ATP2A1: variants seen among roughly 807,000 people sequenced by gnomAD.
ATP2A1 encodes sarcoplasmic/endoplasmic reticulum calcium ATPase 1.
In ATP2A1, 83 loss-of-function variants were observed where a neutral mutation model predicts 109.5. The ratio of observed to expected loss-of-function variants is 0.76; its 90% confidence interval spans 0.63 to 0.91. ATP2A1 has a LOEUF of 0.91. Among genes scored for constraint, ATP2A1 ranks in the 40% least tolerant of loss-of-function variants. The probability of loss-of-function intolerance (pLI) is 0.00; values close to 1 mark genes in which losing one functional copy is unlikely to be tolerated. For missense variants in ATP2A1, 1,101 were observed against 1,341.0 expected, an observed-to-expected ratio of 0.82 and a Z score of 2.80; for synonymous variants, 505 against 537.6, an observed-to-expected ratio of 0.94 and a Z score of 0.84.
chr16:28,882,649 G>C, intron 5 of ATP2A1, 60 bp downstream of exon 5: 1 of 1,600,960 alleles, frequency 6.2e-7, no homozygotes, highest in African/African-American at 1.3e-5. Context: ...CCTAGGAGAT[G>C]CCGGGGGCTG....
At position 28,888,766 on chromosome 16, in the gene ATP2A1, ACCCT is replaced by A; in HGVS notation, c.929-9_929-6del. On this transcript the variant is annotated splice_polypyrimidine_tract_variant and intron_variant, in intron 8 of 22. Coordinates refer to ENST00000395503, the MANE Select transcript of ATP2A1 (RefSeq NM_004320.6). Reference sequence around the variant, plus strand: ...ACCCTCCCCTTGCAGGTTCCCTCACACCCTCCCTCCCTCCCCACAGGTCTTCCTG... The same window carrying A: ...ACCCTCCCCTTGCAGGTTCCCTCACACCCTCCCTCCCCACAGGTCTTCCTG... The A allele has an allele frequency of 2.7e-5, 43 of 1,598,030 alleles. No individual in the cohort carries two copies. Among genetic ancestry groups the A allele is most frequent in the East Asian group, 4.5e-5 (2 of 44,606 alleles).
Position 28,887,560 on chromosome 16 carries a change from T to G in ATP2A1, c.766T>G (p.Phe256Val), listed in dbSNP as rs2152203938. ...KTPLQQKLDEFGEQLSKVISL... is the reference protein window; with the variant it reads ...KTPLQQKLDEVGEQLSKVISL... ...CCCCTTGCAGCAGAAGCTGGATGAGTTTGGGGAGCAGCTCTCCAAGGTCAT... is the reference window on the plus strand; with the variant it reads ...CCCCTTGCAGCAGAAGCTGGATGAGGTTGGGGAGCAGCTCTCCAAGGTCAT... The change falls in exon 8 of 23, where the codon TTT becomes GTT. Residue 256 changes from phenylalanine (F) to valine (V), a missense_variant. Physicochemically the swap from Phe to Val is conservative, Grantham distance 50 (BLOSUM62 -1). Transcript: ENST00000395503. The G allele has an allele frequency of 6.2e-7, 1 of 1,613,762 alleles. No individual in the cohort carries two copies. Among genetic ancestry groups the G allele is most frequent in the Non-Finnish European group, 8.5e-7 (1 of 1,179,954 alleles).
In ATP2A1 at chr16:28,903,527, A is replaced by T. The variant is rs1596689738; in HGVS notation, c.2980+87A>T. The T allele has an allele frequency of 1.6e-6, 2 of 1,226,686 alleles. No individual in the cohort carries two copies. Among genetic ancestry groups the T allele is most frequent in the African/African-American group, 3.6e-5 (2 of 55,170 alleles). 76.0% of individuals were successfully genotyped at this position (1,226,686 alleles called of 1,614,324 possible). A position where few individuals can be genotyped will look rare whatever the true frequency, so the allele number is the denominator to read the frequency against. ...GCCCCCGCCCCGCCCCGTACTTTGC[A>T]GGTGGTAAGTTTCTCAGCCCTGGCA... On this transcript the variant is annotated intron_variant, in intron 21 of 22. Transcript: ENST00000395503. This position sits in a 1 kb window ranked among gnomAD's most constrained non-coding sequence, Gnocchi z 5.6.
At chr16:28,894,380 C>G (rs1026773514) in intron 10 of ATP2A1, 125 bp from the exon 11 acceptor site, 1 of 1,275,720 alleles carries the variant, frequency 7.8e-7, no homozygotes, top group Non-Finnish European at 1.1e-6. Flanking sequence ...TCCTGATATC[C>G]GAGTTGGCTC....
At chr16:28,889,308 G>A (rs1372447929) in intron 9 of ATP2A1, among the ~76,000 whole-genome samples, 1 of 152,066 alleles carries the variant, frequency 6.6e-6, no homozygotes, top group Admixed American at 6.5e-5. Context: ...CCAGGCTGGA[G>A]TGCAGTGGTG....
At chr16:28,881,992 C>T (rs1963499559) in intron 4 of ATP2A1, among the ~76,000 whole-genome samples, 2 of 151,154 alleles carry the variant, frequency 1.3e-5, no homozygotes, top group Non-Finnish European at 2.9e-5. Flanking sequence ...GGCTGGAGTG[C>T]AGTGGCGTAA....
At position 28,903,798 on chromosome 16, in the gene ATP2A1, C is replaced by T; in HGVS notation, c.*37+57C>T. On this transcript the variant is annotated intron_variant, in intron 22 of 22. Transcript: ENST00000395503. The surrounding 1 kb of genome is among the most constrained non-coding windows in gnomAD (Gnocchi z 5.6). ...GCTGTGCCCCTGCCACCCGCGCCCCCTCAGCCCCTTGCGCGTCGCATCCAA... is the reference window on the plus strand; with the variant it reads ...GCTGTGCCCCTGCCACCCGCGCCCCTTCAGCCCCTTGCGCGTCGCATCCAA... 2.0e-6 allele frequency: 3 copies of T among 1,494,096 alleles called. No individual in the cohort carries two copies. The highest frequency in any genetic ancestry group is 2.8e-6 in the Non-Finnish European group (3 of 1,070,840). 92.6% of individuals were successfully genotyped at this position (1,494,096 alleles called of 1,614,324 possible). A position where few individuals can be genotyped will look rare whatever the true frequency, so the allele number is the denominator to read the frequency against.
At position 28,902,317 on chromosome 16, in the gene ATP2A1, C is replaced by T. The variant is rs768177407; in HGVS notation, c.2455C>T (p.Arg819Cys). Residue 819 changes from arginine to cysteine, a missense_variant, in exon 17 of 23, where the codon CGC becomes TGC. Physicochemically the swap from Arg to Cys is radical, Grantham distance 180. Coordinates refer to ENST00000395503, the MANE Select transcript of ATP2A1 (RefSeq NM_004320.6). This position sits in a 1 kb window ranked among gnomAD's most constrained non-coding sequence, Gnocchi z 4.8. ...CCCACCAGACCTGGACATCATGGAC[C>T]GCCCCCCCCGGAGCCCCAAGGAGCC... ...FNPPDLDIMD[R>C]PPRSPKEPLI... is the part of the protein sequence containing the mutation. 1.3e-5 allele frequency: 21 copies of T among 1,613,954 alleles called. No homozygotes were observed. The highest frequency in any genetic ancestry group is 4.5e-5 in the East Asian group (2 of 44,888).
rs1310752093 is a variant in ATP2A1 at position 28,898,850 on chromosome 16, A to T, written c.1764+399A>T. 6.6e-6 allele frequency among the ~76,000 whole-genome samples: 1 copy of T among 152,206 alleles called. No homozygotes were observed. Among genetic ancestry groups the T allele is most frequent in the Non-Finnish European group, 1.5e-5 (1 of 68,028 alleles). ...GAAAAGAGATGAACTGGACATGGTGACACACACCTGTAGACCCAGCTACTG... is the reference window on the plus strand; with the variant it reads ...GAAAAGAGATGAACTGGACATGGTGTCACACACCTGTAGACCCAGCTACTG... On this transcript the variant is annotated intron_variant, in intron 14 of 22. Coordinates refer to ENST00000395503, the MANE Select transcript of ATP2A1 (RefSeq NM_004320.6). This position sits in a 1 kb window ranked among gnomAD's most constrained non-coding sequence, Gnocchi z 4.0.
chr16:28,884,752 T>C, intron 6 of ATP2A1, 97 bp downstream of exon 6: 1 of 1,209,858 alleles, frequency 8.3e-7, no homozygotes, highest in Non-Finnish European at 1.2e-6. Context: ...ACCCTCACTG[T>C]CTGAGCAACA....
rs772581531 is a variant in ATP2A1 at position 28,902,433 on chromosome 16, C to T, written c.2524+47C>T. 7.5e-6 allele frequency: 12 copies of T among 1,602,142 alleles called. No individual in the cohort carries two copies. Among genetic ancestry groups the T allele is most frequent in the East Asian group, 2.2e-5 (1 of 44,650 alleles). On this transcript the variant is annotated intron_variant, in intron 17 of 22. Transcript: ENST00000395503. The surrounding 1 kb of genome is among the most constrained non-coding windows in gnomAD (Gnocchi z 4.8). ...ATCCTCCCCACCCCTTGGGACTAAC[C>T]CCCTCTCTGGGACACCAGCTCCCCC...
At chr16:28,899,655 C>CA (rs1173274766) in intron 14 of ATP2A1, among the ~76,000 whole-genome samples, 2 of 116,468 alleles carry the variant, frequency 1.7e-5, no homozygotes, top group Non-Finnish European at 3.7e-5. Context: ...CCGCCCCCCC[C>CA]CCCCCGAAAA....
chr16:28,898,456 GC>G lies in ATP2A1; in HGVS notation c.1764+6del, dbSNP rs66716803. ...GCCAGGTTCCTGGAGTATGAGGTAA[GC>G]AGCTGGGAGCCTCCCACTGTCGTGG... On this transcript the variant is annotated splice_donor_region_variant and intron_variant, in intron 14 of 22. Coordinates refer to ENST00000395503, the MANE Select transcript of ATP2A1 (RefSeq NM_004320.6). This position sits in a 1 kb window ranked among gnomAD's most constrained non-coding sequence, Gnocchi z 4.0. The G allele has an allele frequency of 0.018, 29,708 of 1,612,294 alleles. 1,955 individuals are homozygous for G. The African/African-American group carries it at 0.19, about 10-fold the overall frequency.
In ATP2A1 at chr16:28,902,873, C is replaced by T. The variant is rs779046968; in HGVS notation, c.2706C>T (p.Ser902=). 5.6e-6 allele frequency: 9 copies of T among 1,613,878 alleles called. No homozygotes were observed. Among genetic ancestry groups the T allele is most frequent in the African/African-American group, 2.7e-5 (2 of 74,878 alleles). ...CCGAGCCCATGACCATGGCCCTGTC[C>T]GTGCTGGTGACCATCGAGATGTGCA... ...EAPEPMTMAL[S]VLVTIEMCNA... Residue 902 remains serine, a synonymous_variant, in exon 19 of 23, where the codon TCC becomes TCT. Coordinates refer to ENST00000395503, the MANE Select transcript of ATP2A1 (RefSeq NM_004320.6). The surrounding 1 kb of genome is among the most constrained non-coding windows in gnomAD (Gnocchi z 4.8).
Position 28,904,193 on chromosome 16 carries a change from A to G in ATP2A1, c.*51A>G, listed in dbSNP as rs544392212. 5.0e-5 allele frequency: 80 copies of G among 1,612,802 alleles called. 3 individuals are homozygous for G. In the South Asian group the frequency reaches 8.0e-4, roughly 16 times the overall value. On this transcript the variant is annotated 3_prime_UTR_variant, in exon 23 of 23. Transcript: ENST00000395503. ...TTCCCCTTCCAGATCCAGAAGATGA[A>G]AGAAGGAAGTGAGCATCCTTTTGCT...
chr16:28,893,610 CCAGCA>C (rs1276316593), intron 9 of ATP2A1, among the ~76,000 whole-genome samples: 13 of 151,520 alleles, frequency 8.6e-5, no homozygotes, highest in African/African-American at 3.1e-4. Context: ...TACAGAAGCT[CCAGCA>C]CAGCACAGCC....
In ATP2A1 at chr16:28,882,523, G is replaced by C. The variant is rs1963516294; in HGVS notation, c.397G>C (p.Asp133His). 1 of 1,614,108 alleles carries C rather than the reference G, an allele frequency of 6.2e-7. No individual in the cohort carries two copies. Among genetic ancestry groups the C allele is most frequent in the South Asian group, 1.1e-5 (1 of 91,086 alleles). ...AGAGATGGGGAAGGTCTACCGGGCT[G>C]ACCGCAAGTCAGTGCAAAGGATCAA... Reference protein sequence around the residue: ...EPEMGKVYRADRKSVQRIKAR... With the variant: ...EPEMGKVYRAHRKSVQRIKAR... Residue 133 changes from aspartate to histidine, a missense_variant, in exon 5 of 23, where the codon GAC (aspartate) becomes CAC (histidine). Transcript: ENST00000395503.
At chr16:28,900,499 CAT>C in intron 14 of ATP2A1, 80 bp from the exon 15 acceptor site, 8 of 1,302,348 alleles carry the variant, frequency 6.1e-6, no homozygotes, top group African/African-American at 1.5e-5. Context: ...CCTTTCACCC[CAT>C]CCCCACCCCC....
Position 28,903,808 on chromosome 16 carries a change from T to G in ATP2A1, c.*37+67T>G, listed in dbSNP as rs570596702. Reference sequence around the variant, plus strand: ...TGCCACCCGCGCCCCCTCAGCCCCTTGCGCGTCGCATCCAAGGTCACTTGT... The same window carrying G: ...TGCCACCCGCGCCCCCTCAGCCCCTGGCGCGTCGCATCCAAGGTCACTTGT... On this transcript the variant is annotated intron_variant, in intron 22 of 22. Coordinates refer to ENST00000395503, the MANE Select transcript of ATP2A1 (RefSeq NM_004320.6). The surrounding 1 kb of genome is among the most constrained non-coding windows in gnomAD (Gnocchi z 5.6). 1 of 1,402,594 alleles carries G rather than the reference T, an allele frequency of 7.1e-7. No homozygotes were observed. Among genetic ancestry groups the G allele is most frequent in the East Asian group, 2.3e-5 (1 of 43,906 alleles). 86.9% of individuals were successfully genotyped at this position (1,402,594 alleles called of 1,614,324 possible). A position where few individuals can be genotyped will look rare whatever the true frequency, so the allele number is the denominator to read the frequency against.
Sources: gnomAD v4.1 joint callset for allele counts (sites outside exome capture counted in the v4.1 genomes callset) on GRCh38, gnomAD v4.1.1 for gene constraint, Gnocchi (gnomAD v3.1) non-coding constraint, MANE v1.5 for transcripts, NCBI Gene and HGNC (gene_info 2026-07-23, HGNC 2026-07-21) for gene names.